Variants in TAS2R1 observed in about 807,000 individuals in gnomAD.
TAS2R1 encodes the protein taste receptor type 2 member 1.
For missense variants in TAS2R1, 370 were observed against 353.4 expected, an observed-to-expected ratio of 1.05 and a Z score of -0.38; for synonymous variants, 141 against 134.2, an observed-to-expected ratio of 1.05 and a Z score of -0.35.
chr5:9,672,487 T>A (rs899107647), intron 1 of TAS2R1, among the ~76,000 whole-genome samples: 1 of 151,982 alleles, frequency 6.6e-6, no homozygotes, highest in Non-Finnish European at 1.5e-5. Flanking sequence ...TAAACAGACA[T>A]TTTCAAGAGA....
At chr5:9,752,434 T>C in the TAS2R1 span, among the ~76,000 whole-genome samples, 5 of 152,186 alleles carry the variant, frequency 3.3e-5, no homozygotes, top group Admixed American at 2.0e-4. Context: ...ATGTCTGATA[T>C]CCCTCTTTCT....
At chr5:9,633,291 A>G (rs986166167), upstream of TAS2R1, among the ~76,000 whole-genome samples, 4,617 of 65,316 alleles carry the variant, frequency 0.071, 199 homozygotes, top group Middle Eastern at 0.14. Flanking sequence ...GTGTGTGTGT[A>G]TATTATATAT....
the TAS2R1 span, among the ~76,000 whole-genome samples, chr5:9,851,323 CAGT>C: frequency 6.6e-6 from 1 of 152,266 alleles, no homozygotes; most frequent in African/African-American, 2.4e-5. Context: ...ACAACAAAGA[CAGT>C]GGTGGGAGCA....
At chr5:9,756,957 C>A in the TAS2R1 span, among the ~76,000 whole-genome samples, 1 of 152,070 alleles carries the variant, frequency 6.6e-6, no homozygotes. Context: ...TTTTCTTCAA[C>A]AATCAAGGAC....
chr5:9,642,814 A>G lies in TAS2R1; in HGVS notation c.-80-12822T>C, dbSNP rs903754355. On this transcript the variant is annotated intron_variant, in intron 2 of 2. Transcript: ENST00000506620. ...AAACAAGAATCCCTTGTTAGTTACA[A>G]TGAGGAAACAGAAGCCACAGATGCT... 3.3e-5 allele frequency among the ~76,000 whole-genome samples: 5 copies of G among 152,322 alleles called. No individual in the cohort carries two copies. The South Asian group carries it at 1.0e-3, about 32-fold the overall frequency.
chr5:9,842,312 C>CTTTTTTTTTTTTTTTTTTTTTT, the TAS2R1 span, among the ~76,000 whole-genome samples: 5 of 120,376 alleles, frequency 4.2e-5, 1 homozygote, highest in Non-Finnish European at 1.8e-5. Flanking sequence ...GTCTTTCTTT[C>CTTTTTTTTTTTTTTTTTTTTTT]TCTCTTTTTT....
At chr5:9,832,260 C>T in the TAS2R1 span, among the ~76,000 whole-genome samples, 26 of 152,098 alleles carry the variant, frequency 1.7e-4, no homozygotes, top group African/African-American at 3.1e-4. Flanking sequence ...TCCAGATGTC[C>T]GCATGCCCTC....
chr5:9,628,128 T>TATCTATC lies in TAS2R1; in HGVS notation c.*1004_*1005insGATAGAT, dbSNP rs1554051334. On this transcript the variant is annotated 3_prime_UTR_variant, in exon 1 of 1. Transcript: ENST00000382492. ...ATACAAGTATATCTATCTCCATAAT[T>TATCTATC]TATCTATCTATCTATCTATCTATCT... 1.4e-5 allele frequency among the ~76,000 whole-genome samples: 2 copies of TATCTATC among 146,484 alleles called. No homozygotes were observed. Among genetic ancestry groups the TATCTATC allele is most frequent in the Admixed American group, 6.9e-5 (1 of 14,470 alleles).
At chr5:9,779,261 C>T in the TAS2R1 span, among the ~76,000 whole-genome samples, 4 of 152,186 alleles carry the variant, frequency 2.6e-5, no homozygotes, top group South Asian at 2.1e-4. Context: ...AGCCTTCCAC[C>T]GTGAGTAAAA....
chr5:9,833,669 G>A, the TAS2R1 span, among the ~76,000 whole-genome samples: 1 of 152,076 alleles, frequency 6.6e-6, no homozygotes, highest in Non-Finnish European at 1.5e-5. Flanking sequence ...TGGTACAAAG[G>A]AAAAATCACC....
At chr5:9,834,533 T>C in the TAS2R1 span, among the ~76,000 whole-genome samples, 6 of 152,154 alleles carry the variant, frequency 3.9e-5, no homozygotes, top group Admixed American at 6.5e-5. Flanking sequence ...TTCACACCTA[T>C]GGAGAAAAGT....
chr5:9,634,221 TG>T (rs1408067543), upstream of TAS2R1, among the ~76,000 whole-genome samples: 9 of 152,286 alleles, frequency 5.9e-5, no homozygotes. Flanking sequence ...TTTGTGTTTT[TG>T]TTTGCTTTGT....
the TAS2R1 span, among the ~76,000 whole-genome samples, chr5:9,846,529 A>C: frequency 6.6e-6 from 1 of 152,216 alleles, no homozygotes; most frequent in Non-Finnish European, 1.5e-5. Flanking sequence ...ACCATTTGAA[A>C]TAACATTCCT....
upstream of TAS2R1, among the ~76,000 whole-genome samples, chr5:9,634,867 G>A (rs1739936724): frequency 6.6e-6 from 1 of 151,860 alleles, no homozygotes; most frequent in Non-Finnish European, 1.5e-5. Context: ...GGGTTTTCTA[G>A]GCATACAATC....
intron 1 of TAS2R1, among the ~76,000 whole-genome samples, chr5:9,692,654 T>C (rs1313389573): frequency 1.3e-5 from 2 of 152,184 alleles, no homozygotes; most frequent in Non-Finnish European, 2.9e-5. Flanking sequence ...CATCCTAATA[T>C]AGGGCATTGT....
chr5:9,868,962 T>C, the TAS2R1 span, among the ~76,000 whole-genome samples: 2 of 152,218 alleles, frequency 1.3e-5, no homozygotes, highest in East Asian at 1.9e-4. Flanking sequence ...CTGGACTTTA[T>C]TGTCCATATC....
At chr5:9,742,168 A>C in the TAS2R1 span, among the ~76,000 whole-genome samples, 3 of 152,286 alleles carry the variant, frequency 2.0e-5, no homozygotes, top group East Asian at 5.8e-4. Context: ...TACAGACGTG[A>C]GCCACCACGT....
At chr5:9,648,825 C>A (rs1740249162) in intron 2 of TAS2R1, among the ~76,000 whole-genome samples, 1 of 152,104 alleles carries the variant, frequency 6.6e-6, no homozygotes, top group Non-Finnish European at 1.5e-5. Context: ...AGGCCACAGG[C>A]TCATGAAGAG....
At chr5:9,673,884 C>T (rs1425891115) in intron 1 of TAS2R1, among the ~76,000 whole-genome samples, 1 of 152,158 alleles carries the variant, frequency 6.6e-6, no homozygotes, top group Non-Finnish European at 1.5e-5. Flanking sequence ...CAAAGCTCAT[C>T]CCCTAAATGA....
Sources: gnomAD v4.1 joint callset for allele counts (sites outside exome capture counted in the v4.1 genomes callset) on GRCh38, gnomAD v4.1.1 for gene constraint, MANE v1.5 for transcripts, NCBI Gene and HGNC (gene_info 2026-07-23, HGNC 2026-07-21) for gene names.